Variants in TRIP4 observed in about 807,000 individuals in gnomAD.
The protein encoded by TRIP4 is thyroid hormone receptor interactor 4.
A neutral mutation model predicts 81.8 loss-of-function variants in TRIP4; 54 were observed. The observed-to-expected ratio is 0.66, with a 90% CI of 0.53 to 0.83. The LOEUF is 0.83. Ranked by LOEUF, TRIP4 falls within the 40% of genes least tolerant of loss-of-function variation. TRIP4 has a pLI of 0.00. For missense variants in TRIP4, 662 were observed against 683.6 expected (o/e 0.97, Z 0.35); for synonymous variants, 270 against 242.8 (o/e 1.11, Z -1.04).
At chr15:64,437,729 G>A (rs1467946453) in intron 11 of TRIP4, among the ~76,000 whole-genome samples, 1 of 152,126 alleles carries the variant, frequency 6.6e-6, no homozygotes, top group African/African-American at 2.4e-5. Context: ...ACTGTCCTCA[G>A]GTGATTCACC....
intron 11 of TRIP4, among the ~76,000 whole-genome samples, chr15:64,440,971 T>G (rs1222760991): frequency 6.6e-6 from 1 of 151,992 alleles, no homozygotes; most frequent in African/African-American, 2.4e-5. Flanking sequence ...ATAACGTTAA[T>G]GCACAAGTTG....
intron 11 of TRIP4, among the ~76,000 whole-genome samples, chr15:64,436,636 C>G (rs548135296): frequency 2.8e-4 from 43 of 151,090 alleles, no homozygotes; most frequent in African/African-American, 5.1e-4. Context: ...TTCCCTAACC[C>G]CAGCCCATTT....
chr15:64,440,425 G>A (rs548857364), intron 11 of TRIP4, among the ~76,000 whole-genome samples: 1 of 147,290 alleles, frequency 6.8e-6, no homozygotes, highest in South Asian at 2.2e-4. Context: ...GTGGTCTTTA[G>A]TGTCCAGGCC....
chr15:64,454,253 C>T (rs1317294688), intron 12 of TRIP4, among the ~76,000 whole-genome samples: 1 of 151,818 alleles, frequency 6.6e-6, no homozygotes, highest in Non-Finnish European at 1.5e-5. Flanking sequence ...TGTTCTCAGG[C>T]CAGACAGACA....
intron 12 of TRIP4, among the ~76,000 whole-genome samples, chr15:64,452,497 C>G (rs1458538791): frequency 6.6e-6 from 1 of 152,092 alleles, no homozygotes. Flanking sequence ...AATACTGAAC[C>G]TGTAGTTATT....
chr15:64,451,267 C>T (rs1892751238), intron 12 of TRIP4, among the ~76,000 whole-genome samples: 1 of 151,732 alleles, frequency 6.6e-6, no homozygotes, highest in South Asian at 2.1e-4. Context: ...CGAGCACCAT[C>T]ACACCCAACT....
At position 64,387,870 on chromosome 15, in the gene TRIP4, G is replaced by A. The variant is rs1462044821; in HGVS notation, c.7G>A (p.Val3Met). Residue 3 changes from valine to methionine, a missense_variant, in exon 1 of 13, where the codon GTG becomes ATG. Transcript: ENST00000261884. MAVAGAVSGEPLV... is the reference protein window; with the variant it reads MAMAGAVSGEPLV... ...CTGGTTCCGGCTGGGGAAGATGGCG[G>A]TGGCTGGGGCGGTGTCCGGGGAGCC... is the stretch of plus-strand genomic sequence containing the variant. The A allele has an allele frequency of 2.6e-6, 4 of 1,546,282 alleles. No homozygotes were observed. The highest frequency in any genetic ancestry group is 3.5e-6 in the Non-Finnish European group (4 of 1,146,666).
chr15:64,419,924 T>C (rs544254601), intron 9 of TRIP4, among the ~76,000 whole-genome samples: 1 of 151,832 alleles, frequency 6.6e-6, no homozygotes, highest in South Asian at 2.1e-4. Context: ...CAAGCAATTC[T>C]ACAGCCTCAG....
At chr15:64,401,294 C>G (rs1891501754) in intron 5 of TRIP4, among the ~76,000 whole-genome samples, 1 of 152,250 alleles carries the variant, frequency 6.6e-6, no homozygotes, top group African/African-American at 2.4e-5. Context: ...GCCACCATGC[C>G]TGGCTAATGT....
chr15:64,437,709 G>A (rs1351999745), intron 11 of TRIP4, among the ~76,000 whole-genome samples: 1 of 152,128 alleles, frequency 6.6e-6, no homozygotes, highest in Admixed American at 6.5e-5. Context: ...GGCCAGGCTG[G>A]TCTGGAACTA....
chr15:64,389,131 G>A (rs1900041060), intron 1 of TRIP4, among the ~76,000 whole-genome samples: 1 of 152,146 alleles, frequency 6.6e-6, no homozygotes, highest in Non-Finnish European at 1.5e-5. Flanking sequence ...GACAGAGGTG[G>A]CGGTCCAAAG....
At position 64,429,246 on chromosome 15, in the gene TRIP4, G is replaced by A. The variant is rs576282206; in HGVS notation, c.1575+3615G>A. On this transcript the variant is annotated intron_variant, in intron 11 of 12. Coordinates refer to ENST00000261884, the MANE Select transcript of TRIP4 (RefSeq NM_016213.5). ...GCAGGAGAATTGCTTGAACCTGGGA[G>A]GCAGAGGTTGCAGTGAGCCGAGATT... Among the ~76,000 whole-genome samples, 4 of 152,132 alleles carry A rather than the reference G, an allele frequency of 2.6e-5. No individual in the cohort carries two copies. In the South Asian group the frequency reaches 6.2e-4, roughly 24 times the overall value.
chr15:64,398,198 G>C (rs891217656), intron 4 of TRIP4, among the ~76,000 whole-genome samples: 1 of 151,964 alleles, frequency 6.6e-6, no homozygotes, highest in Non-Finnish European at 1.5e-5. Flanking sequence ...ACCGTGCCTG[G>C]CTTTCTCTTT....
At chr15:64,395,987 C>T (rs777257762) in intron 3 of TRIP4, among the ~76,000 whole-genome samples, 14 of 151,716 alleles carry the variant, frequency 9.2e-5, no homozygotes, top group Non-Finnish European at 1.8e-4. Flanking sequence ...CAGCTCACCA[C>T]AACCTCTGCC....
At chr15:64,408,233 TGGCCTAA>T (rs1156844996) in intron 6 of TRIP4, among the ~76,000 whole-genome samples, 1 of 132,156 alleles carries the variant, frequency 7.6e-6, no homozygotes, top group African/African-American at 2.7e-5. Context: ...CCACCGTGCC[TGGCCTAA>T]GAAGACAAAT....
At chr15:64,411,427 A>G (rs1231845638) in intron 7 of TRIP4, among the ~76,000 whole-genome samples, 1 of 151,918 alleles carries the variant, frequency 6.6e-6, no homozygotes, top group East Asian at 1.9e-4. Flanking sequence ...AATGTGGATA[A>G]CCTCTGTATA....
chr15:64,438,135 T>C (rs1417823199), intron 11 of TRIP4, among the ~76,000 whole-genome samples: 1 of 152,232 alleles, frequency 6.6e-6, no homozygotes, highest in East Asian at 1.9e-4. Flanking sequence ...TACCTTGATA[T>C]GTTAAGTGAA....
chr15:64,406,749 T>A (rs1484504337), intron 6 of TRIP4, among the ~76,000 whole-genome samples: 1 of 152,214 alleles, frequency 6.6e-6, no homozygotes. Flanking sequence ...TTGTTTTACT[T>A]GTAGCCATTC....
chr15:64,444,814 C>T (rs977493282), intron 11 of TRIP4, 192 bp from the exon 12 acceptor site: 9 of 202,994 alleles, frequency 4.4e-5, no homozygotes, highest in Non-Finnish European at 8.5e-5. Context: ...AGGCAATAGA[C>T]TGTATAATGC....
Sources: gnomAD v4.1 joint callset for allele counts (sites outside exome capture counted in the v4.1 genomes callset) on GRCh38, gnomAD v4.1.1 for gene constraint, MANE v1.5 for transcripts, NCBI Gene and HGNC (gene_info 2026-07-23, HGNC 2026-07-21) for gene names.